CCSER1: variants seen among roughly 807,000 people sequenced by gnomAD.
CCSER1 encodes serine-rich coiled-coil domain-containing protein 1.
In CCSER1, 41 loss-of-function variants were observed where a neutral mutation model predicts 82.0. The observed-to-expected ratio is 0.50, with a 90% CI of 0.39 to 0.65. The LOEUF is 0.65. Among genes scored for constraint, CCSER1 ranks in the 30% least tolerant of loss-of-function variants. The pLI, the probability that CCSER1 is intolerant of heterozygous loss-of-function variation, is 0.00. For synonymous variants in CCSER1, 414 were observed against 383.9 expected, an observed-to-expected ratio of 1.08 and a Z score of -0.92; for missense variants, 1,119 against 1,064.2, an observed-to-expected ratio of 1.05 and a Z score of -0.72.
chr4:90,159,606 C>T (rs1729049758), intron 1 of CCSER1, among the ~76,000 whole-genome samples: 1 of 151,962 alleles, frequency 6.6e-6, no homozygotes, highest in African/African-American at 2.4e-5. Flanking sequence ...GAGTATAAGC[C>T]CTTTGGAATT....
At chr4:90,168,784 G>T (rs548346153) in intron 1 of CCSER1, among the ~76,000 whole-genome samples, 5,160 of 94,618 alleles carry the variant, frequency 0.055, 385 homozygotes, top group East Asian at 0.19. Context: ...TCAGATGGTT[G>T]TAGGTATGTG....
chr4:91,167,323 T>G (rs1022124045), intron 10 of CCSER1, among the ~76,000 whole-genome samples: 2 of 151,532 alleles, frequency 1.3e-5, no homozygotes, highest in Non-Finnish European at 2.9e-5. Context: ...GTAGCTGGGA[T>G]TACAAGTGCC....
intron 10 of CCSER1, among the ~76,000 whole-genome samples, chr4:91,551,286 A>G (rs537760410): frequency 6.3e-4 from 96 of 152,242 alleles, no homozygotes; most frequent in Non-Finnish European, 1.2e-3. Flanking sequence ...GCCTTTATAG[A>G]TTAAAGGAAA....
intron 5 of CCSER1, among the ~76,000 whole-genome samples, chr4:90,519,482 A>G (rs1330463050): frequency 6.6e-6 from 1 of 151,976 alleles, no homozygotes; most frequent in African/African-American, 2.4e-5. Flanking sequence ...CAAGTGTTAC[A>G]TAGGGAAGAA....
rs554493234 is a variant in CCSER1, at chr4:91,233,784, T to C, written c.2217+147790T>C. ...TCAGTTTAATGACCAGCATGCATCATTTAAAGTACATGTTAAGGATTTTTT... is the reference window on the plus strand; with the variant it reads ...TCAGTTTAATGACCAGCATGCATCACTTAAAGTACATGTTAAGGATTTTTT... On this transcript the variant is annotated intron_variant, in intron 10 of 10. Transcript: ENST00000509176. Among the ~76,000 whole-genome samples, 17 of 152,076 alleles carry C rather than the reference T, an allele frequency of 1.1e-4. No homozygotes were observed. In the East Asian group the frequency reaches 3.3e-3, roughly 29 times the overall value.
intron 5 of CCSER1, among the ~76,000 whole-genome samples, chr4:90,621,001 T>C (rs2148877096): frequency 6.6e-6 from 1 of 152,162 alleles, no homozygotes; most frequent in East Asian, 1.9e-4. Flanking sequence ...TTATTTTTAG[T>C]AGGGAGGGGG....
chr4:90,486,961 G>C (rs1304132903), intron 5 of CCSER1, among the ~76,000 whole-genome samples: 1 of 152,340 alleles, frequency 6.6e-6, no homozygotes, highest in Admixed American at 6.5e-5. Flanking sequence ...GCCCAGGCTG[G>C]AGTGCAAAGG....
At chr4:91,579,951 C>T (rs935493479) in intron 10 of CCSER1, among the ~76,000 whole-genome samples, 19 of 151,816 alleles carry the variant, frequency 1.3e-4, no homozygotes, top group African/African-American at 4.1e-4. Context: ...TCTAAAGTAG[C>T]GTGATGCATT....
chr4:90,482,995 G>A (rs571752945), intron 5 of CCSER1, among the ~76,000 whole-genome samples: 71 of 152,218 alleles, frequency 4.7e-4, no homozygotes, highest in African/African-American at 1.5e-3. Flanking sequence ...CATTACTATT[G>A]TGTGGGAGTC....
intron 10 of CCSER1, among the ~76,000 whole-genome samples, chr4:91,438,419 G>T (rs1213618768): frequency 1.3e-5 from 2 of 152,162 alleles, no homozygotes; most frequent in East Asian, 3.9e-4. Flanking sequence ...TGCAGCTGAG[G>T]GTCCTGTCTG....
chr4:91,211,942 C>G (rs941188029), intron 10 of CCSER1, among the ~76,000 whole-genome samples: 3 of 151,886 alleles, frequency 2.0e-5, no homozygotes, highest in African/African-American at 7.3e-5. Flanking sequence ...AAAATGCCAC[C>G]AAGGATTACC....
At position 90,305,211 on chromosome 4, in the gene CCSER1, C is replaced by T. The variant is rs192706971; in HGVS notation, c.-41-3033C>T. On this transcript the variant is annotated intron_variant, in intron 1 of 10. Coordinates refer to ENST00000509176, the MANE Select transcript of CCSER1 (RefSeq NM_001145065.2). ...GATTACAGGCGTGAGCCACCGCGCC[C>T]GGCCTCATTTACTGTTAATGCTGAT... Among the ~76,000 whole-genome samples, 563 of 152,232 alleles carry T rather than the reference C, an allele frequency of 3.7e-3. 4 individuals carry two copies. Among genetic ancestry groups the T allele is most frequent in the African/African-American group, 0.012 (510 of 41,550 alleles).
chr4:90,153,795 T>G (rs976186037), intron 1 of CCSER1, among the ~76,000 whole-genome samples: 1 of 152,204 alleles, frequency 6.6e-6, no homozygotes, highest in Non-Finnish European at 1.5e-5. Flanking sequence ...GTTTGTCAGA[T>G]GAGTAGGTTG....
chr4:90,307,278 T>TA (rs1734463830), intron 1 of CCSER1, among the ~76,000 whole-genome samples: 1 of 152,090 alleles, frequency 6.6e-6, no homozygotes, highest in African/African-American at 2.4e-5. Flanking sequence ...CTGACATTAA[T>TA]ATGGTTCATA....
chr4:91,169,940 G>T (rs775146511), intron 10 of CCSER1, among the ~76,000 whole-genome samples: 1 of 152,098 alleles, frequency 6.6e-6, no homozygotes, highest in African/African-American at 2.4e-5. Flanking sequence ...ATTAGTGTTG[G>T]ATTTGTCCCA....
intron 10 of CCSER1, among the ~76,000 whole-genome samples, chr4:91,215,500 T>C (rs935034403): frequency 3.9e-5 from 6 of 152,126 alleles, no homozygotes; most frequent in Non-Finnish European, 7.4e-5. Context: ...CTGAGTCCCA[T>C]AGCTGAAGAA....
At chr4:90,929,511 T>A (rs915523491) in intron 9 of CCSER1, among the ~76,000 whole-genome samples, 19 of 152,192 alleles carry the variant, frequency 1.2e-4, no homozygotes, top group Non-Finnish European at 2.4e-4. Context: ...TGATTCTTTT[T>A]AAAATCTTGA....
chr4:90,857,814 A>G (rs548857637), intron 8 of CCSER1, among the ~76,000 whole-genome samples: 11 of 152,234 alleles, frequency 7.2e-5, no homozygotes, highest in African/African-American at 2.6e-4. Context: ...GATCTAATGC[A>G]CAACATATGG....
intron 9 of CCSER1, among the ~76,000 whole-genome samples, chr4:90,935,991 T>C (rs921884356): frequency 8.5e-5 from 13 of 152,176 alleles, no homozygotes; most frequent in African/African-American, 2.6e-4. Flanking sequence ...AATGAACATA[T>C]GTATTTTTAT....
Sources: gnomAD v4.1 joint callset for allele counts (sites outside exome capture counted in the v4.1 genomes callset) on GRCh38, gnomAD v4.1.1 for gene constraint, MANE v1.5 for transcripts, NCBI Gene and HGNC (gene_info 2026-07-23, HGNC 2026-07-21) for gene names.